CLIP2: variants seen among roughly 807,000 people sequenced by gnomAD.
CLIP2 encodes the protein CAP-Gly domain containing linker protein 2.
In CLIP2, 41 loss-of-function variants were observed where a neutral mutation model predicts 111.7. The observed-to-expected ratio is 0.37, with a 90% CI of 0.29 to 0.48. The LOEUF (loss-of-function observed/expected upper bound fraction) is 0.48, where lower values mean the gene tolerates loss of function less well. Among genes scored for constraint, CLIP2 ranks in the 20% least tolerant of loss-of-function variants. The probability of loss-of-function intolerance (pLI) is 0.99; values close to 1 mark genes in which losing one functional copy is unlikely to be tolerated. For synonymous variants in CLIP2, 660 were observed against 644.2 expected, an observed-to-expected ratio of 1.02 and a Z score of -0.37; for missense variants, 1,160 against 1,422.1, an observed-to-expected ratio of 0.82 and a Z score of 2.96.
chr7:74,400,336 C>T (rs782059903), intron 14 of CLIP2, 34 bp from the exon 15 acceptor site: 2 of 1,567,522 alleles, frequency 1.3e-6, no homozygotes, highest in Non-Finnish European at 1.7e-6. Context: ...CACACGCACA[C>T]TCATGTACTC....
intron 2 of CLIP2, among the ~76,000 whole-genome samples, chr7:74,326,663 ATC>A (rs772330275): frequency 4.0e-5 from 6 of 150,238 alleles, no homozygotes; most frequent in Admixed American, 6.7e-5. Flanking sequence ...TTGAGACGGA[ATC>A]TCTCTCTTTC....
chr7:74,302,310 G>A (rs1296357802), intron 1 of CLIP2, among the ~76,000 whole-genome samples: 1 of 152,006 alleles, frequency 6.6e-6, no homozygotes, highest in African/African-American at 2.4e-5. Context: ...CCGCCTCCCT[G>A]GTTCAAGCGA....
chr7:74,293,557 A>C (rs1313703490), intron 1 of CLIP2, among the ~76,000 whole-genome samples: 1 of 152,132 alleles, frequency 6.6e-6, no homozygotes, highest in Non-Finnish European at 1.5e-5. Flanking sequence ...GTGGGGGGGC[A>C]GGTCACGTGG....
chr7:74,379,641 G>C (rs960164483), intron 10 of CLIP2, among the ~76,000 whole-genome samples: 50 of 152,004 alleles, frequency 3.3e-4, no homozygotes, highest in African/African-American at 1.2e-3. Flanking sequence ...GCGGGCGCCT[G>C]TAGTCCCAGC....
chr7:74,303,982 C>T (rs1584308046), intron 1 of CLIP2, among the ~76,000 whole-genome samples: 1 of 151,682 alleles, frequency 6.6e-6, no homozygotes, highest in East Asian at 2.0e-4. Flanking sequence ...TCACAGATCA[C>T]AGCTCACTGC....
chr7:74,356,259 G>T, intron 4 of CLIP2, 151 bp from the exon 5 acceptor site: 1 of 680,746 alleles, frequency 1.5e-6, no homozygotes, highest in Non-Finnish European at 2.6e-6. Context: ...TCTCCACCTG[G>T]AAGATTTCCA....
intron 2 of CLIP2, among the ~76,000 whole-genome samples, chr7:74,320,983 A>C (rs577420654): frequency 6.6e-6 from 1 of 152,024 alleles, no homozygotes; most frequent in Admixed American, 6.6e-5. Flanking sequence ...CCTTCTGGGT[A>C]CTTTCCCCTT....
chr7:74,396,927 C>T, intron 13 of CLIP2, 147 bp from the exon 14 acceptor site: 1 of 985,134 alleles, frequency 1.0e-6, no homozygotes, highest in Non-Finnish European at 1.5e-6. Flanking sequence ...ATTGTGTCTA[C>T]TGTGGCCCCT....
chr7:74,341,251 G>A (rs1437594764), intron 3 of CLIP2, among the ~76,000 whole-genome samples: 1 of 152,032 alleles, frequency 6.6e-6, no homozygotes, highest in East Asian at 1.9e-4. Context: ...GCAGTGGTGC[G>A]TTCTCGGCTC....
rs782670532 is a variant in CLIP2, at chr7:74,353,903, G to A, written c.702G>A (p.Val234=). 1.9e-6 allele frequency: 3 copies of A among 1,614,086 alleles called. No homozygotes were observed. In the African/African-American group the frequency reaches 4.0e-5, roughly 22 times the overall value. The change falls in exon 4 of 17, where the codon GTG becomes GTA. Residue 234 remains valine (V), a synonymous_variant. Transcript: ENST00000223398. ...AGGTTGGCGGGACGAAGACTGGCGT[G>A]GTGCGGTACGTGGGGGAGACAGACT... is the stretch of plus-strand genomic sequence containing the variant. The part of the protein sequence containing the change: ...RVLVGGTKTG[V]VRYVGETDFA...
At chr7:74,308,590 C>T (rs564347341) in intron 1 of CLIP2, among the ~76,000 whole-genome samples, 32 of 151,786 alleles carry the variant, frequency 2.1e-4, no homozygotes, top group East Asian at 1.6e-3. Flanking sequence ...CTGCAACCTC[C>T]GCCTTCCGGG....
chr7:74,359,774 C>T (rs910167323), intron 6 of CLIP2, among the ~76,000 whole-genome samples: 6 of 152,312 alleles, frequency 3.9e-5, no homozygotes, highest in East Asian at 3.9e-4. Context: ...GTTTGTCTCC[C>T]GTGGGAGAGT....
chr7:74,335,725 C>CTTTCTTTCT (rs1424042358), intron 2 of CLIP2, among the ~76,000 whole-genome samples: 1 of 145,572 alleles, frequency 6.9e-6, no homozygotes, highest in East Asian at 2.0e-4. Flanking sequence ...TCCTTCCTTC[C>CTTTCTTTCT]TTTCTTTCTT....
chr7:74,354,733 T>C (rs1356176591), intron 4 of CLIP2, among the ~76,000 whole-genome samples: 2 of 152,144 alleles, frequency 1.3e-5, no homozygotes, highest in Admixed American at 1.3e-4. Context: ...ATCACGCCAT[T>C]GCATTCCAGC....
intron 3 of CLIP2, among the ~76,000 whole-genome samples, chr7:74,346,412 A>C (rs782424654): frequency 6.6e-6 from 1 of 152,220 alleles, no homozygotes; most frequent in Non-Finnish European, 1.5e-5. Flanking sequence ...CACTGGGGCC[A>C]GGAACAGAAT....
chr7:74,366,120 C>T (rs1790465478), intron 8 of CLIP2, among the ~76,000 whole-genome samples: 2 of 152,078 alleles, frequency 1.3e-5, no homozygotes, highest in African/African-American at 2.4e-5. Context: ...AGAGCCCCTC[C>T]TTGACCTCCT....
chr7:74,337,737 A>T (rs1471670440), intron 2 of CLIP2, among the ~76,000 whole-genome samples: 3 of 152,080 alleles, frequency 2.0e-5, no homozygotes, highest in African/African-American at 7.2e-5. Context: ...CTGGGATTAC[A>T]GGCACCTGCC....
At chr7:74,364,393 C>T in intron 8 of CLIP2, 78 bp downstream of exon 8, 1 of 1,284,580 alleles carries the variant, frequency 7.8e-7, no homozygotes, top group East Asian at 2.5e-5. Context: ...GTTGTGAGGT[C>T]CAGCAGCACC....
chr7:74,298,940 G>A, intron 1 of CLIP2, among the ~76,000 whole-genome samples: 1 of 152,196 alleles, frequency 6.6e-6, no homozygotes, highest in Non-Finnish European at 1.5e-5. Flanking sequence ...CTGGACGTGT[G>A]ACCTAGTGGA....
Sources: gnomAD v4.1 joint callset for allele counts (sites outside exome capture counted in the v4.1 genomes callset) on GRCh38, gnomAD v4.1.1 for gene constraint, MANE v1.5 for transcripts, NCBI Gene and HGNC (gene_info 2026-07-23, HGNC 2026-07-21) for gene names.